SP140: variants seen among roughly 807,000 people sequenced by gnomAD.
SP140 encodes the protein nuclear body protein SP140.
A neutral mutation model predicts 125.0 loss-of-function variants in SP140; 81 were observed. The ratio of observed to expected loss-of-function variants is 0.65; its 90% CI spans 0.54 to 0.78. The LOEUF is 0.78. Ranked by LOEUF, SP140 falls within the 30% of genes least tolerant of loss-of-function variation. The probability of loss-of-function intolerance (pLI) is 0.00; values close to 1 mark genes in which losing one functional copy is unlikely to be tolerated. For missense variants in SP140, 858 were observed against 1,037.0 expected (o/e 0.83, Z 2.37); for synonymous variants, 312 against 354.0 (o/e 0.88, Z 1.33).
chr2:230,216,370 A>C (rs2045175053), intron 3 of SP140, among the ~76,000 whole-genome samples: 1 of 152,184 alleles, frequency 6.6e-6, no homozygotes, highest in Non-Finnish European at 1.5e-5. Context: ...AGAGATGAAA[A>C]CATATCAGAG....
intron 23 of SP140, 48 bp downstream of exon 23, chr2:230,310,087 C>T: frequency 1.8e-5 from 28 of 1,573,296 alleles, no homozygotes; most frequent in South Asian, 3.3e-5. Context: ...AGGGATCTTC[C>T]ACCTGCCATG....
chr2:230,202,681 C>A, upstream of SP140: 1 of 1,614,120 alleles, frequency 6.2e-7, no homozygotes, highest in Non-Finnish European at 8.5e-7. Flanking sequence ...GGAACCTGAT[C>A]CACCCTTTTG....
chr2:230,245,961 A>G (rs1453047391), intron 7 of SP140, 21 bp downstream of exon 7: 5 of 1,470,136 alleles, frequency 3.4e-6, no homozygotes, highest in Non-Finnish European at 4.8e-6. Flanking sequence ...TTTAAATTAA[A>G]GCTTTATTTT....
chr2:230,244,803 A>G (rs1449887194), intron 5 of SP140, among the ~76,000 whole-genome samples, 185 bp from the exon 6 acceptor site: 1 of 152,056 alleles, frequency 6.6e-6, no homozygotes, highest in East Asian at 1.9e-4. Context: ...AGAAGGAGAA[A>G]GGAGGTAGCA....
intron 18 of SP140, among the ~76,000 whole-genome samples, 179 bp from the exon 19 acceptor site, chr2:230,290,281 G>A (rs1044813786): frequency 2.0e-5 from 3 of 152,090 alleles, no homozygotes; most frequent in Non-Finnish European, 2.9e-5. Flanking sequence ...GTGAAATTGG[G>A]GTAGACATTC....
intron 10 of SP140, among the ~76,000 whole-genome samples, chr2:230,252,500 A>G (rs1306561714): frequency 6.6e-6 from 1 of 152,102 alleles, no homozygotes; most frequent in African/African-American, 2.4e-5. Flanking sequence ...AAGAGAGTCC[A>G]GCGGCAAGAG....
chr2:230,209,949 T>C (rs2044286497), intron 1 of SP140: 1 of 1,606,594 alleles, frequency 6.2e-7, no homozygotes, highest in East Asian at 2.2e-5. Context: ...TCTGAAGGTG[T>C]GCTGGACACC....
downstream of SP140, among the ~76,000 whole-genome samples, chr2:230,315,532 T>G (rs114761272): frequency 0.012 from 1,828 of 152,254 alleles, 38 homozygotes; most frequent in African/African-American, 0.041. Flanking sequence ...TCTTCCTGAA[T>G]GTATAATCAG....
chr2:230,292,851 T>C (rs2057289230), intron 20 of SP140, 63 bp downstream of exon 20: 6 of 1,602,948 alleles, frequency 3.7e-6, no homozygotes, highest in Non-Finnish European at 5.1e-6. Flanking sequence ...GAGGAGACTG[T>C]TTATTCACCA....
the SP140 span, among the ~76,000 whole-genome samples, chr2:230,196,589 T>G: frequency 6.6e-5 from 10 of 152,088 alleles, no homozygotes; most frequent in Admixed American, 6.5e-4. Context: ...ATGTGCACAA[T>G]GTGCAGGTTT....
chr2:230,270,783 C>A, intron 15 of SP140, 144 bp downstream of exon 15: 1 of 768,446 alleles, frequency 1.3e-6, no homozygotes, highest in African/African-American at 1.7e-5. Context: ...AGATGTCTAC[C>A]TCCTAATCCC....
At chr2:230,289,810 C>A (rs911018020) in intron 18 of SP140, among the ~76,000 whole-genome samples, 1 of 152,168 alleles carries the variant, frequency 6.6e-6, no homozygotes, top group Non-Finnish European at 1.5e-5. Context: ...ATTCACTGCT[C>A]ACCCTCCTGG....
downstream of SP140, among the ~76,000 whole-genome samples, chr2:230,313,940 C>T (rs1222168950): frequency 2.6e-5 from 4 of 152,066 alleles, no homozygotes; most frequent in Admixed American, 2.6e-4. Flanking sequence ...CCATTAATGT[C>T]CTGAAAAGAG....
chr2:230,255,248 A>G (rs1244337881), intron 11 of SP140, among the ~76,000 whole-genome samples: 1 of 152,158 alleles, frequency 6.6e-6, no homozygotes, highest in Non-Finnish European at 1.5e-5. Flanking sequence ...GAGCTGATGG[A>G]TGGTTCTCAG....
upstream of SP140, among the ~76,000 whole-genome samples, chr2:230,222,840 GT>G (rs35018428): frequency 0.33 from 41,962 of 128,880 alleles, 5,799 homozygotes; most frequent in South Asian, 0.38. Flanking sequence ...GTGTATTAAA[GT>G]TTTTTTTTTT....
At chr2:230,246,062 C>A in intron 7 of SP140, 122 bp downstream of exon 7, 1 of 646,650 alleles carries the variant, frequency 1.5e-6, no homozygotes. Context: ...TCCATCCATC[C>A]ATTCATCCAT....
In SP140 at chr2:230,211,585, A is replaced by C; in HGVS notation, c.-322-2069A>C. 7.1e-6 allele frequency: 9 copies of C among 1,262,616 alleles called. No individual in the cohort carries two copies. Among genetic ancestry groups the C allele is most frequent in the Non-Finnish European group, 1.0e-5 (9 of 858,992 alleles). The allele number at this position is 1,262,616 out of a possible 1,614,324, so 78.2% of individuals were successfully genotyped here. A position where few individuals can be genotyped will look rare whatever the true frequency, so the allele number is the denominator to read the frequency against. ...GGAGGAAGAAAAAGTTTTAGATCTC[A>C]GGAACAGCAAGCAGGGACCAGAATG... On this transcript the variant is annotated intron_variant, in intron 1 of 4. Coordinates refer to the SP140 transcript ENST00000456542. This position sits in a 1 kb window ranked among gnomAD's most constrained non-coding sequence, Gnocchi z 4.2.
At chr2:230,311,118 A>G in intron 24 of SP140, 36 bp from the exon 25 acceptor site, 1 of 1,609,136 alleles carries the variant, frequency 6.2e-7, no homozygotes, top group Non-Finnish European at 8.5e-7. Flanking sequence ...CATTCTCTCC[A>G]AGCTGCTTTT....
At chr2:230,300,814 C>A (rs1276609759) in intron 22 of SP140, among the ~76,000 whole-genome samples, 1 of 152,064 alleles carries the variant, frequency 6.6e-6, no homozygotes, top group Non-Finnish European at 1.5e-5. Flanking sequence ...CTCTGAATTG[C>A]CAGAAAAAGA....
Sources: gnomAD v4.1 joint callset for allele counts (sites outside exome capture counted in the v4.1 genomes callset) on GRCh38, gnomAD v4.1.1 for gene constraint, Gnocchi (gnomAD v3.1) non-coding constraint, MANE v1.5 for transcripts, NCBI Gene and HGNC (gene_info 2026-07-23, HGNC 2026-07-21) for gene names.